The following ZPLD1 variants were observed in gnomAD, a reference collection of about 807,000 sequenced individuals.
The protein encoded by ZPLD1 is zona pellucida-like domain-containing protein 1.
ZPLD1 carries 34 observed loss-of-function variants against 47.2 expected under a neutral mutation model. The ratio of observed to expected loss-of-function variants is 0.72; its 90% CI spans 0.55 to 0.96. The LOEUF (loss-of-function observed/expected upper bound fraction) is 0.96. Among genes scored for constraint, ZPLD1 ranks in the 40% least tolerant of loss-of-function variants. ZPLD1 has a pLI of 0.00. For missense variants in ZPLD1, 512 were observed against 505.8 expected (o/e 1.01, Z -0.12); for synonymous variants, 176 against 186.2 (o/e 0.95, Z 0.45).
intron 6 of ZPLD1, among the ~76,000 whole-genome samples, chr3:102,388,455 CTGTGTG>C (rs55700835): frequency 9.0e-4 from 122 of 135,444 alleles, no homozygotes; most frequent in South Asian, 3.8e-3. Context: ...CTCTCTCTGT[CTGTGTG>C]TGTGTGTGTG....
chr3:102,468,973 G>A lies in ZPLD1; in HGVS notation c.771G>A (p.Lys257=), dbSNP rs1011598907. Residue 257 remains lysine (K), a synonymous_variant, in exon 9 of 12, where the codon AAG becomes AAA. Transcript: ENST00000466937. The part of the protein sequence containing the change: ...IRYDLFLSCD[K]DPQTTVIENG... Reference sequence around the variant, plus strand: ...GTTCCCTAAAATTTAGCTGTGACAAGGACCCTCAGACCACCGTCATTGAGA... The same window carrying A: ...GTTCCCTAAAATTTAGCTGTGACAAAGACCCTCAGACCACCGTCATTGAGA... The A allele has an allele frequency of 3.7e-6, 6 of 1,611,974 alleles. No homozygotes were observed. The highest frequency in any genetic ancestry group is 5.1e-6 in the Non-Finnish European group (6 of 1,179,250).
chr3:102,465,916 T>C (rs1707584449), intron 8 of ZPLD1, among the ~76,000 whole-genome samples: 1 of 152,108 alleles, frequency 6.6e-6, no homozygotes, highest in South Asian at 2.1e-4. Flanking sequence ...GAGGGGGTCT[T>C]AAGGGAGTCA....
chr3:102,474,618 A>G (rs980854945), intron 10 of ZPLD1, among the ~76,000 whole-genome samples: 1 of 152,124 alleles, frequency 6.6e-6, no homozygotes, highest in Non-Finnish European at 1.5e-5. Flanking sequence ...AAACTTTTCT[A>G]GTACTAAGAG....
At position 102,470,385 on chromosome 3, in the gene ZPLD1, A is replaced by G. The variant is rs377591639; in HGVS notation, c.934-9A>G. 6.2e-7 allele frequency: 1 copy of G among 1,611,852 alleles called. No individual in the cohort carries two copies. Among genetic ancestry groups the G allele is most frequent in the African/African-American group, 1.3e-5 (1 of 74,848 alleles). ...TGTGGAATTTCATTTGTTTTCATTA[A>G]CACCTCAGATTTGCAGCCACAGAGA... On this transcript the variant is annotated splice_polypyrimidine_tract_variant and intron_variant, in intron 9 of 11. Transcript: ENST00000466937.
At chr3:102,429,485 C>T (rs573645109) in intron 8 of ZPLD1, among the ~76,000 whole-genome samples, 2 of 152,232 alleles carry the variant, frequency 1.3e-5, no homozygotes, top group African/African-American at 4.8e-5. Flanking sequence ...TGTAATACAT[C>T]ATCCTTTTCA....
At chr3:102,404,733 G>A (rs1706661747) in intron 7 of ZPLD1, among the ~76,000 whole-genome samples, 1 of 151,990 alleles carries the variant, frequency 6.6e-6, no homozygotes, top group South Asian at 2.1e-4. Flanking sequence ...TATCTCTTGT[G>A]TATGGTCTGT....
intron 3 of ZPLD1, among the ~76,000 whole-genome samples, chr3:102,442,854 A>G (rs1006760323): frequency 7.9e-5 from 12 of 152,210 alleles, no homozygotes; most frequent in Non-Finnish European, 1.8e-4. Flanking sequence ...AAGGAATGCC[A>G]TTTAATTTTA....
At chr3:102,475,674 T>C (rs915513437) in intron 10 of ZPLD1, among the ~76,000 whole-genome samples, 2 of 152,136 alleles carry the variant, frequency 1.3e-5, no homozygotes, top group African/African-American at 4.8e-5. Flanking sequence ...CTGAATGTTG[T>C]ATAATAAAAA....
intron 7 of ZPLD1, among the ~76,000 whole-genome samples, chr3:102,401,297 T>C (rs1706617334): frequency 2.0e-5 from 3 of 152,086 alleles, no homozygotes; most frequent in South Asian, 2.1e-4. Flanking sequence ...AAAAGACTGC[T>C]AAAATGCAAT....
intron 7 of ZPLD1, among the ~76,000 whole-genome samples, chr3:102,409,620 T>C (rs758724381): frequency 1.3e-5 from 2 of 151,838 alleles, no homozygotes; most frequent in Non-Finnish European, 2.9e-5. Context: ...CCTTTTGGCT[T>C]ATATTTCTTA....
At chr3:102,447,529 A>G (rs896369646) in intron 3 of ZPLD1, among the ~76,000 whole-genome samples, 4 of 152,226 alleles carry the variant, frequency 2.6e-5, no homozygotes, top group Non-Finnish European at 5.9e-5. Context: ...TTTGTATTGC[A>G]GAATACATAT....
chr3:102,426,161 C>A lies in ZPLD1; in HGVS notation c.-9+7954C>A, dbSNP rs2107310360. Among the ~76,000 whole-genome samples, 3 of 150,374 alleles carry A rather than the reference C, an allele frequency of 2.0e-5. No homozygotes were observed. In the East Asian group the frequency reaches 5.9e-4, roughly 29 times the overall value. ...ACACACACACACACACACACACATG[C>A]ACACACACACACGAACATTTTTTAA... On this transcript the variant is annotated intron_variant, in intron 8 of 17. Coordinates refer to the ZPLD1 transcript ENST00000491959.
intron 7 of ZPLD1, 27 bp from the exon 8 acceptor site, chr3:102,464,144 A>G (rs769499231): frequency 5.2e-6 from 8 of 1,532,394 alleles, no homozygotes; most frequent in African/African-American, 1.4e-5. Flanking sequence ...TTCTGACTCT[A>G]GATTATGTTT....
chr3:102,453,054 G>T lies in ZPLD1; in HGVS notation c.242G>T (p.Gly81Val). Residue 81 changes from glycine (G) to valine (V), a missense_variant, in exon 4 of 12, where the codon GGG (glycine) becomes GTG (valine). Coordinates refer to ENST00000466937, the MANE Select transcript of ZPLD1 (RefSeq NM_001329788.2). ...AGGCATGGGGACTCCCACTGCAGAG[G>T]GTTCATCAATAACAACACCTTTCCA... ...NGRHGDSHCRGFINNNTFPAV... is the reference protein window; with the variant it reads ...NGRHGDSHCRVFINNNTFPAV... The T allele has an allele frequency of 6.2e-7, 1 of 1,613,970 alleles. No individual in the cohort carries two copies. The highest frequency in any genetic ancestry group is 8.5e-7 in the Non-Finnish European group (1 of 1,179,968).
intron 7 of ZPLD1, among the ~76,000 whole-genome samples, chr3:102,416,466 C>T (rs772683858): frequency 4.0e-5 from 6 of 151,776 alleles, no homozygotes; most frequent in East Asian, 1.9e-4. Context: ...GATGGATATG[C>T]GTTCAAAGCG....
chr3:102,448,181 A>G (rs1707286297), intron 3 of ZPLD1, among the ~76,000 whole-genome samples: 1 of 152,190 alleles, frequency 6.6e-6, no homozygotes, highest in East Asian at 1.9e-4. Flanking sequence ...GGGGAAAAAC[A>G]TTGCTGTTTT....
upstream of ZPLD1, among the ~76,000 whole-genome samples, chr3:102,431,574 T>C (rs776438454): frequency 3.3e-5 from 5 of 152,166 alleles, no homozygotes; most frequent in Admixed American, 6.5e-5. Context: ...TCAGAGAACA[T>C]GTTTCTTTAT....
chr3:102,449,088 A>T (rs79058571), intron 3 of ZPLD1, among the ~76,000 whole-genome samples: 1,606 of 152,302 alleles, frequency 0.011, 29 homozygotes, highest in African/African-American at 0.037. Flanking sequence ...CCTCTTTTGC[A>T]TTTTAATTAC....
At chr3:102,448,353 A>G (rs1707289725) in intron 3 of ZPLD1, among the ~76,000 whole-genome samples, 1 of 152,194 alleles carries the variant, frequency 6.6e-6, no homozygotes, top group African/African-American at 2.4e-5. Flanking sequence ...TGGACAGTAA[A>G]AGGCTTAAAA....
Sources: gnomAD v4.1 joint callset for allele counts (sites outside exome capture counted in the v4.1 genomes callset) on GRCh38, gnomAD v4.1.1 for gene constraint, MANE v1.5 for transcripts, NCBI Gene and HGNC (gene_info 2026-07-23, HGNC 2026-07-21) for gene names.